SBDS: variants seen among roughly 807,000 people sequenced by gnomAD.
SBDS encodes ribosome maturation protein SBDS.
In SBDS, 20 loss-of-function variants were observed where a neutral mutation model predicts 26.4. The ratio of observed to expected loss-of-function variants is 0.76; its 90% CI spans 0.53 to 1.10. SBDS has a LOEUF of 1.10. Among genes scored for constraint, SBDS ranks in the 50% least tolerant of loss-of-function variants. The pLI, the probability that SBDS is intolerant of heterozygous loss-of-function variation, is 0.00. For synonymous variants in SBDS, 95 were observed against 105.1 expected (o/e 0.90, Z 0.59); for missense variants, 241 against 302.0 (o/e 0.80, Z 1.50).
chr7:66,995,102 T>A, intron 1 of SBDS, 188 bp downstream of exon 1: 1 of 769,638 alleles, frequency 1.3e-6, no homozygotes, highest in Non-Finnish European at 2.1e-6. Flanking sequence ...ACCAACCAAA[T>A]AAAGAAGAAA....
chr7:66,991,150 T>G lies in SBDS; in HGVS notation c.611A>C (p.Gln204Pro). 2 of 1,613,236 alleles carry G rather than the reference T, an allele frequency of 1.2e-6. No individual in the cohort carries two copies. The highest frequency in any genetic ancestry group is 1.7e-6 in the Non-Finnish European group (2 of 1,179,732). Residue 204 changes from glutamine to proline, a missense_variant, in exon 4 of 5, where the codon CAA (glutamine) becomes CCA (proline). Gln to Pro is a moderately conservative substitution (Grantham distance 76). Transcript: ENST00000246868. ...TTTGACTCTTACGATTTCTAACTGTTGGCCATAATCTTCACTTTCTATGAC... is the reference window on the plus strand; with the variant it reads ...TTTGACTCTTACGATTTCTAACTGTGGGCCATAATCTTCACTTTCTATGAC... Reference protein sequence around the residue: ...IKVIESEDYGQQLEIVCLIDP... With the variant: ...IKVIESEDYGPQLEIVCLIDP...
At chr7:66,994,463 T>G (rs1315811471) in intron 1 of SBDS, 122 bp from the exon 2 acceptor site, 1 of 917,748 alleles carries the variant, frequency 1.1e-6, no homozygotes, top group African/African-American at 1.6e-5. Context: ...CCTGATGACC[T>G]TTAGTGTAGA....
In SBDS at chr7:66,995,382, T is replaced by C. The variant is rs145800188; in HGVS notation, c.36A>G (p.Leu12=). 21 of 1,613,992 alleles carry C rather than the reference T, an allele frequency of 1.3e-5. No individual in the cohort carries two copies. In the African/African-American group the frequency reaches 2.0e-4, roughly 15 times the overall value. Residue 12 remains leucine, a synonymous_variant, in exon 1 of 5, where the codon CTA becomes CTG. Transcript: ENST00000246868. ...SIFTPTNQIR[L]TNVAVVRMKR... Reference sequence around the variant, plus strand: ...TCATCCGTACCACGGCCACATTGGTTAGGCGGATCTGGTTGGTGGGGGTGA... The same window carrying C: ...TCATCCGTACCACGGCCACATTGGTCAGGCGGATCTGGTTGGTGGGGGTGA...
intron 2 of SBDS, 50 bp from the exon 3 acceptor site, chr7:66,993,467 C>T (rs1433064116): frequency 1.4e-6 from 2 of 1,416,416 alleles, no homozygotes; most frequent in Admixed American, 3.4e-5. Flanking sequence ...CTCTATCACA[C>T]ACTATTTATT....
Position 66,995,320 on chromosome 7 carries a change from T to G in SBDS, c.98A>C (p.Lys33Thr), listed in dbSNP as rs373730800. The change falls in exon 1 of 5, where the codon AAA becomes ACA. Residue 33 changes from lysine (K) to threonine (T), a missense_variant. Lys to Thr is a moderately conservative substitution (Grantham distance 78). Transcript: ENST00000246868. Reference sequence around the variant, plus strand: ...GCTCCGCCAGCCGACGACCTTGTTTTTGTAGCAGGCGATTTCGAAGCGCTT... The same window carrying G: ...GCTCCGCCAGCCGACGACCTTGTTTGTGTAGCAGGCGATTTCGAAGCGCTT... ...AGKRFEIACY[K>T]NKVVGWRSGV... is the part of the protein sequence containing the mutation. 4 of 1,613,964 alleles carry G rather than the reference T, an allele frequency of 2.5e-6. No individual in the cohort carries two copies. Among genetic ancestry groups the G allele is most frequent in the Non-Finnish European group, 3.4e-6 (4 of 1,180,008 alleles).
intron 4 of SBDS, among the ~76,000 whole-genome samples, chr7:66,989,479 A>G (rs1014521095): frequency 5.3e-5 from 8 of 152,062 alleles, no homozygotes; most frequent in African/African-American, 1.7e-4. Context: ...CGGGAGGCAG[A>G]GGTTGCAGTG....
chr7:66,992,702 A>AT (rs1354692179), intron 3 of SBDS, among the ~76,000 whole-genome samples: 4 of 151,972 alleles, frequency 2.6e-5, no homozygotes, highest in Non-Finnish European at 5.9e-5. Context: ...TTTAAATTTA[A>AT]TTTTTTATAT....
At chr7:66,994,128 G>C in intron 2 of SBDS, 84 bp downstream of exon 2, 2 of 1,404,568 alleles carry the variant, frequency 1.4e-6, no homozygotes, top group South Asian at 1.2e-5. Context: ...CTTTCCTCCA[G>C]AAAAACAGCC....
chr7:66,993,114 G>C lies in SBDS; in HGVS notation c.459+103C>G, dbSNP rs1793010965. 3 of 1,065,064 alleles carry C rather than the reference G, an allele frequency of 2.8e-6. No individual in the cohort carries two copies. The South Asian group carries it at 3.8e-5, about 13-fold the overall frequency. The allele number at this position is 1,065,064 out of a possible 1,614,324, so 66.0% of individuals were successfully genotyped here. A position where few individuals can be genotyped will look rare whatever the true frequency, so the allele number is the denominator to read the frequency against. ...TGGCTCCCAAAGTGCTAGGATTACA[G>C]GCATGAACCATTGTGCCTGGCCCCA... On this transcript the variant is annotated intron_variant, in intron 3 of 4. Coordinates refer to ENST00000246868, the MANE Select transcript of SBDS (RefSeq NM_016038.4).
intron 4 of SBDS, among the ~76,000 whole-genome samples, chr7:66,989,547 AAAATAAATAAAT>A (rs76824519): frequency 6.6e-6 from 1 of 151,578 alleles, no homozygotes; most frequent in African/African-American, 2.4e-5. Flanking sequence ...CCCTGTCTCA[AAAATAAATAAAT>A]AAATAAATAA....
At position 66,993,207 on chromosome 7, in the gene SBDS, A is replaced by G. The variant is rs758033610; in HGVS notation, c.459+10T>C. On this transcript the variant is annotated intron_variant, in intron 3 of 4. Transcript: ENST00000246868. The stretch of plus-strand genomic sequence containing the variant: ...ATGGCTATATTTTGATGACATGAGA[A>G]ACCACTCACCTGCTGTTTTGTACTC... 4.3e-6 allele frequency: 7 copies of G among 1,611,754 alleles called. No individual in the cohort carries two copies. Among genetic ancestry groups the G allele is most frequent in the Admixed American group, 3.3e-5 (2 of 59,988 alleles).
rs780550927 is a variant in SBDS at position 66,995,434 on chromosome 7, C to T, written c.-17G>A. 1 of 1,613,070 alleles carries T rather than the reference C, an allele frequency of 6.2e-7. No individual in the cohort carries two copies. The highest frequency in any genetic ancestry group is 1.3e-5 in the African/African-American group (1 of 74,912). On this transcript the variant is annotated 5_prime_UTR_variant, in exon 1 of 5. Transcript: ENST00000246868. The stretch of plus-strand genomic sequence containing the variant: ...GATCGACATCGCGGCTGTTCAAAGA[C>T]CCAGAAGCCGGCGAACCAGGGCTGA...
At chr7:66,993,045 A>G (rs966161152) in intron 3 of SBDS, among the ~76,000 whole-genome samples, 172 bp downstream of exon 3, 2 of 151,382 alleles carry the variant, frequency 1.3e-5, no homozygotes, top group East Asian at 1.9e-4. Flanking sequence ...GGGCGTCCCT[A>G]TGTTTCCCAG....
In SBDS at chr7:66,988,435, C is replaced by T. The variant is rs1178699064; in HGVS notation, c.689G>A (p.Gly230Asp). Residue 230 changes from glycine to aspartate, a missense_variant, in exon 5 of 5, where the codon GGC (glycine) becomes GAC (aspartate). Physicochemically the swap from Gly to Asp is moderately conservative, Grantham distance 94. Transcript: ENST00000246868. ...ATTGAGTACTTCCAAAGAACCTTTG[C>T]CTTTAGTTTCCTTTTTTATTAGCTC... ...IDELIKKETK[G>D]KGSLEVLNLK... The T allele has an allele frequency of 6.2e-7, 1 of 1,613,798 alleles. No individual in the cohort carries two copies. Among genetic ancestry groups the T allele is most frequent in the South Asian group, 1.1e-5 (1 of 91,078 alleles).
At chr7:66,988,547 CAG>C in intron 4 of SBDS, 48 bp from the exon 5 acceptor site, 2 of 1,606,782 alleles carry the variant, frequency 1.2e-6, no homozygotes, top group Non-Finnish European at 1.7e-6. Flanking sequence ...GAGCAAGACA[CAG>C]AATAAACTCA....
At chr7:66,992,542 TA>T (rs548114364) in intron 3 of SBDS, among the ~76,000 whole-genome samples, 17 of 152,088 alleles carry the variant, frequency 1.1e-4, no homozygotes, top group Non-Finnish European at 2.4e-4. Flanking sequence ...GTTTTGTCTT[TA>T]AAAGTTTGAT....
chr7:66,994,641 T>C (rs1168685578), intron 1 of SBDS, among the ~76,000 whole-genome samples: 1 of 152,130 alleles, frequency 6.6e-6, no homozygotes, highest in African/African-American at 2.4e-5. Context: ...ATTACAGGCA[T>C]GCGCCACCAC....
At chr7:66,994,862 T>C (rs1457674171) in intron 1 of SBDS, among the ~76,000 whole-genome samples, 2 of 152,190 alleles carry the variant, frequency 1.3e-5, no homozygotes, top group East Asian at 3.8e-4. Context: ...AGACAGCTGC[T>C]GCCACGGAAT....
At chr7:66,990,755 G>A (rs1339504519) in intron 4 of SBDS, among the ~76,000 whole-genome samples, 3 of 152,120 alleles carry the variant, frequency 2.0e-5, no homozygotes, top group Admixed American at 6.6e-5. Context: ...GGTGGCTCAC[G>A]CCTGTAATCC....
Sources: allele counts gnomAD v4.1 joint callset (sites outside exome capture counted in the v4.1 genomes callset), GRCh38; gene constraint gnomAD v4.1.1; transcripts MANE v1.5; gene names NCBI Gene and HGNC (gene_info 2026-07-23, HGNC 2026-07-21).